The following MLLT10 variants were observed in gnomAD, a reference collection of about 807,000 sequenced individuals.
The protein encoded by MLLT10 is protein AF-10.
MLLT10 carries 30 observed loss-of-function variants against 129.1 expected under a neutral mutation model. The observed-to-expected ratio is 0.23, with a 90% CI of 0.17 to 0.32. The LOEUF (loss-of-function observed/expected upper bound fraction) is 0.32, where lower values mean the gene tolerates loss of function less well. Among genes scored for constraint, MLLT10 ranks in the 10% least tolerant of loss-of-function variants. MLLT10 has a pLI of 1.00. For synonymous variants in MLLT10, 490 were observed against 446.4 expected (o/e 1.10, Z -1.23); for missense variants, 1,119 against 1,268.3 (o/e 0.88, Z 1.79).
intron 11 of MLLT10, among the ~76,000 whole-genome samples, chr10:21,677,135 A>G (rs1182018230): frequency 1.3e-5 from 2 of 152,234 alleles, no homozygotes; most frequent in Non-Finnish European, 2.9e-5. Context: ...TTAATTAGAC[A>G]GCTCAACAGA....
Position 21,651,039 on chromosome 10 carries a change from G to GTTGTTTTGTT in MLLT10, c.700-593_700-584dup, listed in dbSNP as rs57639142. ...GTTCACAAAAGTATTTGGTGGTTGTGTTGTTTTGTTTTGTTTTGTTTTGTT... is the reference window on the plus strand; with the variant it reads ...GTTCACAAAAGTATTTGGTGGTTGTGTTGTTTTGTTTTGTTTTGTTTTGTTTTGTTTTGTT... On this transcript the variant is annotated intron_variant, in intron 8 of 22. Transcript: ENST00000307729. Among the ~76,000 whole-genome samples, 1,477 of 148,532 alleles carry GTTGTTTTGTT rather than the reference G, an allele frequency of 9.9e-3. 13 individuals are homozygous for GTTGTTTTGTT. Among genetic ancestry groups the GTTGTTTTGTT allele is most frequent in the Middle Eastern group, 0.024 (7 of 292 alleles).
chr10:21,618,724 G>T (rs1343338955), intron 8 of MLLT10, among the ~76,000 whole-genome samples: 10 of 151,562 alleles, frequency 6.6e-5, no homozygotes, highest in African/African-American at 2.2e-4. Context: ...ACCTCTGCCT[G>T]CTGGGTTCAA....
At chr10:21,657,018 AT>A (rs1436087429) in intron 9 of MLLT10, among the ~76,000 whole-genome samples, 1 of 152,140 alleles carries the variant, frequency 6.6e-6, no homozygotes, top group Non-Finnish European at 1.5e-5. Context: ...TACTCCCCTG[AT>A]TTCCCCAATT....
At chr10:21,551,289 C>CT (rs11461905) in intron 3 of MLLT10, among the ~76,000 whole-genome samples, 5,436 of 91,924 alleles carry the variant, frequency 0.059, 581 homozygotes, top group African/African-American at 0.15. Flanking sequence ...CGGATTGTAC[C>CT]TTTTTTTTTT....
At chr10:21,622,061 CTG>C (rs1157964898) in intron 8 of MLLT10, among the ~76,000 whole-genome samples, 21 of 151,554 alleles carry the variant, frequency 1.4e-4, no homozygotes, top group Admixed American at 3.9e-4. Context: ...TAGGTACTAA[CTG>C]TAGTGCGAGC....
chr10:21,691,319 T>C (rs969743547), intron 13 of MLLT10, among the ~76,000 whole-genome samples: 2 of 152,204 alleles, frequency 1.3e-5, no homozygotes, highest in Non-Finnish European at 2.9e-5. Context: ...ATGACTGATA[T>C]ACTTGTTTCA....
In MLLT10 at chr10:21,685,306, A is replaced by T. The variant is rs1453161775; in HGVS notation, c.1699+3049A>T. ...ACTTCACAAAACTTATTCTGGAAAA[A>T]TTAATACAAGTGAAATGACCAAGGA... On this transcript the variant is annotated intron_variant, in intron 13 of 22. Coordinates refer to ENST00000307729, the MANE Select transcript of MLLT10 (RefSeq NM_001195626.3). Among the ~76,000 whole-genome samples the T allele has an allele frequency of 2.6e-5, 4 of 152,290 alleles. No homozygotes were observed. The East Asian group carries it at 7.7e-4, about 29-fold the overall frequency.
chr10:21,695,716 G>A (rs565810628), intron 13 of MLLT10, among the ~76,000 whole-genome samples: 2 of 152,006 alleles, frequency 1.3e-5, no homozygotes, highest in East Asian at 1.9e-4. Flanking sequence ...AAGTTTTATC[G>A]TGGGTTAAGG....
At chr10:21,691,547 G>C (rs1469408791) in intron 13 of MLLT10, among the ~76,000 whole-genome samples, 2 of 151,866 alleles carry the variant, frequency 1.3e-5, no homozygotes, top group African/African-American at 4.8e-5. Context: ...TATAGCTTTG[G>C]CTTAGGAAGC....
chr10:21,651,603 A>G (rs1465643842), intron 8 of MLLT10, 70 bp from the exon 9 acceptor site: 1 of 1,026,098 alleles, frequency 9.7e-7, no homozygotes, highest in Non-Finnish European at 1.5e-6. Flanking sequence ...ACTAGTTATA[A>G]AAAAATCTCT....
At chr10:21,574,959 C>T (rs1326919417) in intron 3 of MLLT10, among the ~76,000 whole-genome samples, 2 of 152,074 alleles carry the variant, frequency 1.3e-5, no homozygotes, top group Admixed American at 6.6e-5. Context: ...GCATAACTTA[C>T]TGCAGTCCAG....
intron 8 of MLLT10, among the ~76,000 whole-genome samples, chr10:21,643,183 C>T (rs896507766): frequency 1.3e-5 from 2 of 152,194 alleles, no homozygotes; most frequent in Non-Finnish European, 2.9e-5. Flanking sequence ...CTGGCACATG[C>T]CACCATGCCC....
intron 3 of MLLT10, among the ~76,000 whole-genome samples, chr10:21,576,528 C>T (rs148621360): frequency 0.024 from 3,574 of 151,634 alleles, 58 homozygotes; most frequent in Non-Finnish European, 0.035. Context: ...TGTGAGCCAC[C>T]GTGCCCGGCC....
At chr10:21,563,845 C>T (rs1209372036) in intron 3 of MLLT10, among the ~76,000 whole-genome samples, 2 of 149,746 alleles carry the variant, frequency 1.3e-5, no homozygotes, top group African/African-American at 5.0e-5. Flanking sequence ...CAGAGTCTTG[C>T]TTTGTCGCCC....
chr10:21,638,257 T>TGGTG (rs1416940090), intron 8 of MLLT10, among the ~76,000 whole-genome samples: 5 of 80,526 alleles, frequency 6.2e-5, no homozygotes, highest in African/African-American at 2.2e-4. Flanking sequence ...TTCTTTTTGG[T>TGGTG]GGGGGGAGGG....
chr10:21,569,120 C>T lies in MLLT10; in HGVS notation c.241-17174C>T, dbSNP rs557977054. 9.9e-5 allele frequency among the ~76,000 whole-genome samples: 15 copies of T among 152,114 alleles called. No individual in the cohort carries two copies. In the South Asian group the frequency reaches 2.1e-3, roughly 21 times the overall value. ...AATATGGTATATCTTGGTGAATGTT[C>T]CAAATGCACTTGAACAGAATGCGTA... On this transcript the variant is annotated intron_variant, in intron 3 of 22. Coordinates refer to ENST00000307729, the MANE Select transcript of MLLT10 (RefSeq NM_001195626.3).
At chr10:21,567,253 C>T (rs2131021247) in intron 3 of MLLT10, among the ~76,000 whole-genome samples, 1 of 152,272 alleles carries the variant, frequency 6.6e-6, no homozygotes, top group East Asian at 1.9e-4. Context: ...AGTGTTGGTG[C>T]CACTTTGTTA....
At chr10:21,728,955 G>T (rs2057735911) in intron 16 of MLLT10, among the ~76,000 whole-genome samples, 1 of 149,706 alleles carries the variant, frequency 6.7e-6, no homozygotes, top group Non-Finnish European at 1.5e-5. Flanking sequence ...GGGAATGTCT[G>T]TTAAGGAACA....
intron 3 of MLLT10, among the ~76,000 whole-genome samples, chr10:21,567,033 G>A (rs1385633178): frequency 1.3e-5 from 2 of 151,962 alleles, no homozygotes; most frequent in Admixed American, 1.3e-4. Context: ...GGCTGTTCTC[G>A]AACTTCCGAC....
Sources: allele counts gnomAD v4.1 joint callset (sites outside exome capture counted in the v4.1 genomes callset), GRCh38; gene constraint gnomAD v4.1.1; transcripts MANE v1.5; gene names NCBI Gene and HGNC (gene_info 2026-07-23, HGNC 2026-07-21).